PTPRF: variants seen among roughly 807,000 people sequenced by gnomAD.
PTPRF encodes the protein protein tyrosine phosphatase receptor type F, also known as receptor-type tyrosine-protein phosphatase F.
A neutral mutation model predicts 201.8 loss-of-function variants in PTPRF; 59 were observed. That is an observed-to-expected ratio of 0.29 (90% CI 0.24 to 0.36). The LOEUF (loss-of-function observed/expected upper bound fraction) is 0.36, where lower values mean the gene tolerates loss of function less well. PTPRF is among the 10% of genes least tolerant of loss of function. The probability of loss-of-function intolerance (pLI) is 1.00; values close to 1 mark genes in which losing one functional copy is unlikely to be tolerated. For synonymous variants in PTPRF, 1,088 were observed against 1,089.7 expected, an observed-to-expected ratio of 1.00 and a Z score of 0.03; for missense variants, 2,132 against 2,690.5, an observed-to-expected ratio of 0.79 and a Z score of 4.59.
At chr1:43,570,692 TCA>T (rs1646507127) in intron 6 of PTPRF, among the ~76,000 whole-genome samples, 1 of 152,176 alleles carries the variant, frequency 6.6e-6, no homozygotes, top group African/African-American at 2.4e-5. Context: ...CCCACCAGCC[TCA>T]CAGCCCCTTG....
At chr1:43,559,949 A>G (rs1192348736) in intron 5 of PTPRF, among the ~76,000 whole-genome samples, 15 of 131,014 alleles carry the variant, frequency 1.1e-4, no homozygotes, top group African/African-American at 3.9e-4. Context: ...AGCTGTGTGT[A>G]TGTGTCAGGC....
chr1:43,592,586 C>A lies in PTPRF; in HGVS notation c.1798C>A (p.Arg600Ser). 6.2e-7 allele frequency: 1 copy of A among 1,604,688 alleles called. No homozygotes were observed. The highest frequency in any genetic ancestry group is 1.1e-5 in the South Asian group (1 of 89,852). ...CGTCTTCACCCCCACCATTGAGGCCCGCACAGCCCAGTCCAGTAAGTGTCT... is the reference window on the plus strand; with the variant it reads ...CGTCTTCACCCCCACCATTGAGGCCAGCACAGCCCAGTCCAGTAAGTGTCT... ...VGVFTPTIEA[R>S]TAQSTPSAPP... The change falls in exon 11 of 34, where the codon CGC becomes AGC. Residue 600 changes from arginine (R) to serine (S), a missense_variant. By Grantham distance (110) the Arg-to-Ser change is moderately radical. This residue lies in a region of PTPRF where 351 missense variants were observed against 401.7 expected (regional missense o/e 0.87). Coordinates refer to ENST00000359947, the MANE Select transcript of PTPRF (RefSeq NM_002840.5).
chr1:43,533,959 G>C (rs1420988081), intron 1 of PTPRF, among the ~76,000 whole-genome samples: 2 of 152,182 alleles, frequency 1.3e-5, no homozygotes, highest in East Asian at 3.9e-4. Flanking sequence ...TCAGGCATCT[G>C]CTCAACTAAA....
chr1:43,549,162 A>G (rs1436393703), intron 3 of PTPRF, among the ~76,000 whole-genome samples: 2 of 152,206 alleles, frequency 1.3e-5, no homozygotes, highest in Non-Finnish European at 2.9e-5. Flanking sequence ...GCAGTGGGTA[A>G]CTGGCAGAAA....
Position 43,570,905 on chromosome 1 carries a change from C to G in PTPRF, c.568+1127C>G, listed in dbSNP as rs1646523354. On this transcript the variant is annotated intron_variant, in intron 6 of 33. Coordinates refer to ENST00000359947, the MANE Select transcript of PTPRF (RefSeq NM_002840.5). ...GGCCGGCAGTGTTTGTGGCCGCTGC[C>G]CAGCGCAGCACAGCGGCCAGCACGG... 2.6e-5 allele frequency among the ~76,000 whole-genome samples: 4 copies of G among 152,220 alleles called. No individual in the cohort carries two copies. In the South Asian group the frequency reaches 6.2e-4, roughly 24 times the overall value.
chr1:43,584,516 C>T (rs1218805845), intron 7 of PTPRF, among the ~76,000 whole-genome samples: 1 of 152,208 alleles, frequency 6.6e-6, no homozygotes, highest in African/African-American at 2.4e-5. Flanking sequence ...CATGCCCCTT[C>T]CTCTACCCTC....
Position 43,613,355 on chromosome 1 carries a change from AC to A in PTPRF, c.3974-261del. 6 of 432,340 alleles carry A rather than the reference AC, an allele frequency of 1.4e-5. No individual in the cohort carries two copies. The South Asian group carries it at 1.4e-4, about 10-fold the overall frequency. The allele number at this position is 432,340 out of a possible 1,614,324, so 26.8% of individuals were successfully genotyped here. A position where few individuals can be genotyped will look rare whatever the true frequency, so the allele number is the denominator to read the frequency against. On this transcript the variant is annotated intron_variant, in intron 22 of 33. Coordinates refer to ENST00000359947, the MANE Select transcript of PTPRF (RefSeq NM_002840.5). ...GGAAGCCTCTCTTCCATCTTGAGAG[AC>A]CTGCCAGGCAGGGCCTAGTGCCCCC...
chr1:43,606,414 T>C lies in PTPRF; in HGVS notation c.3658T>C (p.Tyr1220His), dbSNP rs755264682. 4.3e-6 allele frequency: 7 copies of C among 1,614,046 alleles called. No homozygotes were observed. In the Admixed American group the frequency reaches 5.0e-5, roughly 12 times the overall value. Residue 1220 changes from tyrosine to histidine, a missense_variant, in exon 20 of 34, where the codon TAC becomes CAC. This residue lies in a region of PTPRF where 818 missense variants were observed against 915.3 expected (regional missense o/e 0.89). Coordinates refer to ENST00000359947, the MANE Select transcript of PTPRF (RefSeq NM_002840.5). ...CCGGCCCCTGTCTCCGGACTTGAGC[T>C]ACCAGTGCTTTGTGCTTGCCTCCTT... ...YNRPLSPDLS[Y>H]QCFVLASLKE...
At chr1:43,563,682 C>G (rs11210871) in intron 5 of PTPRF, among the ~76,000 whole-genome samples, 88,810 of 152,046 alleles carry the variant, frequency 0.58, 27,647 homozygotes, top group Non-Finnish European at 0.7. Flanking sequence ...CAGTTAGTTC[C>G]GTGGAGCCAT....
chr1:43,524,737 T>G (rs976684790), upstream of PTPRF, among the ~76,000 whole-genome samples: 8 of 151,550 alleles, frequency 5.3e-5, no homozygotes, highest in Admixed American at 5.3e-4. Context: ...AGGGCAGATG[T>G]GGGGAGGTGT....
At position 43,569,571 on chromosome 1, in the gene PTPRF, C is replaced by T. The variant is rs1570096721; in HGVS notation, c.380-19C>T. On this transcript the variant is annotated intron_variant, in intron 5 of 33. Transcript: ENST00000359947. ...CAGGCAGAGCCAGCCCTAATACACACATTGCTGTTTGTCTGCAGAGGAACA... is the reference window on the plus strand; with the variant it reads ...CAGGCAGAGCCAGCCCTAATACACATATTGCTGTTTGTCTGCAGAGGAACA... 6.3e-7 allele frequency: 1 copy of T among 1,587,014 alleles called. No homozygotes were observed. The highest frequency in any genetic ancestry group is 2.2e-5 in the East Asian group (1 of 44,546).
At chr1:43,586,338 G>T (rs748853833) in intron 7 of PTPRF, among the ~76,000 whole-genome samples, 5 of 152,350 alleles carry the variant, frequency 3.3e-5, no homozygotes, top group Middle Eastern at 3.4e-3. Context: ...AAACAGACTT[G>T]CCTGCCTGTG....
rs1220248283 is a variant in PTPRF at position 43,621,005 on chromosome 1, C to T, written c.5519+13C>T. 3 of 1,611,562 alleles carry T rather than the reference C, an allele frequency of 1.9e-6. No individual in the cohort carries two copies. Among genetic ancestry groups the T allele is most frequent in the Non-Finnish European group, 2.5e-6 (3 of 1,178,458 alleles). On this transcript the variant is annotated intron_variant, in intron 32 of 33. Coordinates refer to ENST00000359947, the MANE Select transcript of PTPRF (RefSeq NM_002840.5). ...CGGTGCACTGCAGGTGGGACTGGCC[C>T]CCTGGAGGGCTGGGGTGGGTGGGCC... is the stretch of plus-strand genomic sequence containing the variant.
chr1:43,566,249 G>T (rs1379861568), intron 5 of PTPRF, among the ~76,000 whole-genome samples: 1 of 152,230 alleles, frequency 6.6e-6, no homozygotes, highest in Non-Finnish European at 1.5e-5. Context: ...ATTTAGCTGT[G>T]TGACCTTGGG....
Position 43,607,170 on chromosome 1 carries a change from C to T in PTPRF, c.3857+202C>T, listed in dbSNP as rs778031962. 2.0e-5 allele frequency among the ~76,000 whole-genome samples: 3 copies of T among 152,340 alleles called. No individual in the cohort carries two copies. The South Asian group carries it at 6.2e-4, about 32-fold the overall frequency. ...CTGCATCTGTCAGGTGAGGGAGCCT[C>T]TGCAGCAGCCTGGGCGTGAGGAACT... On this transcript the variant is annotated intron_variant, in intron 21 of 33. Transcript: ENST00000359947.
chr1:43,541,383 G>A (rs1644352950), intron 2 of PTPRF, among the ~76,000 whole-genome samples: 2 of 152,246 alleles, frequency 1.3e-5, no homozygotes, highest in Admixed American at 1.3e-4. Flanking sequence ...TGGCAGGGTG[G>A]TTAGGGTGGG....
chr1:43,589,298 T>C (rs780425184), intron 8 of PTPRF, among the ~76,000 whole-genome samples: 4 of 152,086 alleles, frequency 2.6e-5, no homozygotes, highest in Non-Finnish European at 4.4e-5. Flanking sequence ...GCTCTTATTA[T>C]TTCCATTTTT....
chr1:43,595,243 C>T (rs1208150324), intron 11 of PTPRF, among the ~76,000 whole-genome samples: 1 of 152,160 alleles, frequency 6.6e-6, no homozygotes, highest in Non-Finnish European at 1.5e-5. Context: ...CAAAGTGTTG[C>T]TCTGTCTCCC....
intron 5 of PTPRF, among the ~76,000 whole-genome samples, chr1:43,569,111 G>A (rs1432695897): frequency 1.3e-5 from 2 of 152,238 alleles, no homozygotes; most frequent in Admixed American, 1.3e-4. Context: ...AGAGCTGAAG[G>A]CTGGATGAAG....
Sources: allele counts gnomAD v4.1 joint callset (sites outside exome capture counted in the v4.1 genomes callset), GRCh38; gene constraint gnomAD v4.1.1; regional missense constraint gnomAD v4.1.1; transcripts MANE v1.5; gene names NCBI Gene and HGNC (gene_info 2026-07-23, HGNC 2026-07-21).